Variants in TOGARAM1 observed in about 807,000 individuals in gnomAD.
TOGARAM1 encodes TOG array regulator of axonemal microtubules protein 1.
TOGARAM1 carries 100 observed loss-of-function variants against 166.6 expected under a neutral mutation model. That is an observed-to-expected ratio of 0.60 (90% CI 0.51 to 0.71). The LOEUF is 0.71. Ranked by LOEUF, TOGARAM1 falls within the 30% of genes least tolerant of loss-of-function variation. TOGARAM1 has a pLI of 0.00. For synonymous variants in TOGARAM1, 758 were observed against 763.8 expected (o/e 0.99, Z 0.13); for missense variants, 2,029 against 2,102.7 (o/e 0.96, Z 0.69).
chr14:44,977,134 T>G (rs754884073), intron 1 of TOGARAM1, among the ~76,000 whole-genome samples: 1 of 152,078 alleles, frequency 6.6e-6, no homozygotes, highest in African/African-American at 2.4e-5. Flanking sequence ...TGCATCTAAC[T>G]CTTCATATTC....
In TOGARAM1 at chr14:44,999,482, A is replaced by C. The variant is rs1166452205; in HGVS notation, c.2323A>C (p.Ser775Arg). The C allele has an allele frequency of 1.2e-6, 2 of 1,605,568 alleles. No homozygotes were observed. Among genetic ancestry groups the C allele is most frequent in the Non-Finnish European group, 8.5e-7 (1 of 1,175,348 alleles). The change falls in exon 3 of 20, where the codon AGT (serine) becomes CGT (arginine). Residue 775 changes from serine (S) to arginine (R), a missense_variant. Around this residue, in one of 2 missense-constraint regions of TOGARAM1, gnomAD observed 1,453 missense variants for 1,432.2 expected, o/e 1.01. Transcript: ENST00000361462. ...CTTACAATTCCTAGGGACAACTAGCAGTCATCAAGAAAAAGGTATAAGTTC... is the reference window on the plus strand; with the variant it reads ...CTTACAATTCCTAGGGACAACTAGCCGTCATCAAGAAAAAGGTATAAGTTC... ...SDLQFLGTTS[S>R]HQEKVYASLN...
chr14:45,062,615 C>T (rs1882947829), intron 16 of TOGARAM1, among the ~76,000 whole-genome samples: 1 of 152,110 alleles, frequency 6.6e-6, no homozygotes, highest in Non-Finnish European at 1.5e-5. Context: ...AAGCAGTATG[C>T]ATTTAGTACA....
chr14:45,012,130 T>TA, intron 7 of TOGARAM1, 55 bp downstream of exon 7: 2 of 1,144,368 alleles, frequency 1.7e-6, no homozygotes, highest in South Asian at 1.6e-5. Flanking sequence ...TCAAATGATG[T>TA]AAAAAATGAT....
intron 16 of TOGARAM1, 107 bp downstream of exon 16, chr14:45,054,656 G>A: frequency 1.3e-6 from 1 of 742,028 alleles, no homozygotes; most frequent in Non-Finnish European, 2.2e-6. Flanking sequence ...AAATTTAATG[G>A]AGTTTTAAAA....
intron 11 of TOGARAM1, among the ~76,000 whole-genome samples, chr14:45,036,464 CA>C (rs1304486076): frequency 6.6e-6 from 1 of 152,044 alleles, no homozygotes; most frequent in Non-Finnish European, 1.5e-5. Context: ...AGTAGAGATT[CA>C]AAAAGATGTA....
chr14:44,999,617 T>C (rs1417924157), intron 3 of TOGARAM1, 120 bp downstream of exon 3: 1 of 823,552 alleles, frequency 1.2e-6, no homozygotes, highest in Non-Finnish European at 1.7e-6. Context: ...AAGGATTTTG[T>C]TATATTTTTA....
intron 19 of TOGARAM1, 115 bp downstream of exon 19, chr14:45,071,913 AAAT>A: frequency 1.4e-6 from 1 of 695,708 alleles, no homozygotes; most frequent in South Asian, 2.0e-5. Flanking sequence ...CACAAAGTAG[AAAT>A]AAATTGTGTA....
At position 44,994,060 on chromosome 14, in the gene TOGARAM1, C is replaced by T. The variant is rs573311946; in HGVS notation, c.2047-1686C>T. ...TGACTACTGTATAATCAATCATGGA[C>T]GTTAACTGGGTTTTGAGACAGTAAA... On this transcript the variant is annotated intron_variant, in intron 1 of 19. Coordinates refer to ENST00000361462, the MANE Select transcript of TOGARAM1 (RefSeq NM_001308120.2). 2.8e-4 allele frequency among the ~76,000 whole-genome samples: 43 copies of T among 152,208 alleles called. No individual in the cohort carries two copies. In the South Asian group the frequency reaches 3.9e-3, roughly 14 times the overall value.
intron 4 of TOGARAM1, among the ~76,000 whole-genome samples, chr14:45,004,781 G>A (rs10450913): frequency 0.046 from 7,038 of 151,842 alleles, 522 homozygotes; most frequent in African/African-American, 0.16. Context: ...TAATGAACAT[G>A]AACAACATAT....
chr14:45,021,438 G>T (rs1006124597), intron 7 of TOGARAM1, among the ~76,000 whole-genome samples: 1 of 152,112 alleles, frequency 6.6e-6, no homozygotes, highest in Non-Finnish European at 1.5e-5. Context: ...TGGAGGGGGT[G>T]CAGTGAGAAT....
rs1189453557 is a variant in TOGARAM1, at chr14:44,977,552, A to T, written c.2046+13085A>T. Among the ~76,000 whole-genome samples, 5 of 152,222 alleles carry T rather than the reference A, an allele frequency of 3.3e-5. No homozygotes were observed. In the East Asian group the frequency reaches 7.7e-4, roughly 24 times the overall value. On this transcript the variant is annotated intron_variant, in intron 1 of 19. Transcript: ENST00000361462. ...CACCCGGCCAAGACTGACTTTTTAA[A>T]TAGAAAAATTCATAGCTCTTCCTAT...
intron 6 of TOGARAM1, among the ~76,000 whole-genome samples, chr14:45,010,040 A>T (rs1031144862): frequency 9.9e-5 from 15 of 152,140 alleles, no homozygotes; most frequent in East Asian, 3.9e-4. Flanking sequence ...TCATTCTTAA[A>T]TTTTTTTTCC....
At chr14:44,998,664 C>A (rs560766890) in intron 2 of TOGARAM1, among the ~76,000 whole-genome samples, 1 of 151,968 alleles carries the variant, frequency 6.6e-6, no homozygotes, top group East Asian at 1.9e-4. Context: ...AAAAGATATC[C>A]AGAATATGAA....
At chr14:45,071,411 A>T (rs1883374535) in intron 18 of TOGARAM1, among the ~76,000 whole-genome samples, 1 of 151,678 alleles carries the variant, frequency 6.6e-6, no homozygotes, top group Non-Finnish European at 1.5e-5. Flanking sequence ...TGGTTTTTAG[A>T]GACAGAGTGT....
At position 44,964,319 on chromosome 14, in the gene TOGARAM1, G is replaced by A. The variant is rs778337728; in HGVS notation, c.1898G>A (p.Ser633Asn). The A allele has an allele frequency of 6.2e-7, 1 of 1,614,200 alleles. No homozygotes were observed. Among genetic ancestry groups the A allele is most frequent in the East Asian group, 2.2e-5 (1 of 44,878 alleles). The change falls in exon 1 of 20, where the codon AGC becomes AAC. Residue 633 changes from serine (S) to asparagine (N), a missense_variant. Coordinates refer to ENST00000361462, the MANE Select transcript of TOGARAM1 (RefSeq NM_001308120.2). ...CACTGTGGTGACCACGTGAGGGATA[G>A]CATGCACATTTATGGATCTTACAGC... ...HCHCGDHVRD[S>N]MHIYGSYSPT...
chr14:45,053,866 C>T (rs1401458537), intron 15 of TOGARAM1, among the ~76,000 whole-genome samples: 1 of 150,742 alleles, frequency 6.6e-6, no homozygotes, highest in African/African-American at 2.5e-5. Context: ...TTACGAAATA[C>T]AGCATATTAT....
chr14:45,041,490 A>G (rs1350505055), intron 11 of TOGARAM1, among the ~76,000 whole-genome samples: 1 of 152,214 alleles, frequency 6.6e-6, no homozygotes, highest in African/African-American at 2.4e-5. Flanking sequence ...CCAATTCTAC[A>G]TATGCTTCTA....
intron 11 of TOGARAM1, among the ~76,000 whole-genome samples, chr14:45,038,816 C>T (rs1247920862): frequency 1.3e-5 from 2 of 152,138 alleles, no homozygotes; most frequent in Admixed American, 6.6e-5. Context: ...TGTCCTGAGT[C>T]CAAGAAGAAT....
At chr14:45,045,417 G>A (rs1451227909) in intron 13 of TOGARAM1, among the ~76,000 whole-genome samples, 2 of 150,442 alleles carry the variant, frequency 1.3e-5, no homozygotes, top group African/African-American at 4.9e-5. Flanking sequence ...TTATAGGTGA[G>A]AACATATGGT....
Sources: allele counts gnomAD v4.1 joint callset (sites outside exome capture counted in the v4.1 genomes callset), GRCh38; gene constraint gnomAD v4.1.1; regional missense constraint gnomAD v4.1.1; transcripts MANE v1.5; gene names NCBI Gene and HGNC (gene_info 2026-07-23, HGNC 2026-07-21).